Variants in TRIML2 observed in about 807,000 individuals in gnomAD.
TRIML2 encodes probable E3 ubiquitin-protein ligase TRIML2.
In TRIML2, 28 loss-of-function variants were observed where a neutral mutation model predicts 31.2. The observed-to-expected ratio is 0.90, with a 90% CI of 0.66 to 1.23. The LOEUF is 1.23. Among genes scored for constraint, TRIML2 ranks in the 50% most tolerant of loss-of-function variants. The pLI is 0.00. For missense variants in TRIML2, 536 were observed against 528.3 expected (o/e 1.01, Z -0.14); for synonymous variants, 187 against 197.5 (o/e 0.95, Z 0.45).
intron 1 of TRIML2, 175 bp from the exon 2 acceptor site, chr4:188,105,765 C>T (rs945254816): frequency 8.4e-5 from 14 of 166,854 alleles, no homozygotes; most frequent in South Asian, 1.9e-4. Context: ...GAAGGAACTT[C>T]AGGACTAGAG....
rs1308872356 is a variant in TRIML2 at position 188,091,353 on chromosome 4, T to C, written c.*20A>G. ...CCAACTTTCTGGTGTCTCGTGGTCT[T>C]GGATTTTACACACAGAAGATTAAGG... On this transcript the variant is annotated 3_prime_UTR_variant, in exon 8 of 8. Transcript: ENST00000682553. 3.8e-6 allele frequency: 6 copies of C among 1,596,130 alleles called. No homozygotes were observed. Among genetic ancestry groups the C allele is most frequent in the Non-Finnish European group, 5.1e-6 (6 of 1,168,476 alleles).
chr4:188,108,762 A>G (rs1734136335), intron 1 of TRIML2, among the ~76,000 whole-genome samples: 1 of 152,168 alleles, frequency 6.6e-6, no homozygotes, highest in East Asian at 1.9e-4. Context: ...TTCTCAGCTC[A>G]AATGTCTTCC....
chr4:188,095,063 C>T (rs1733443665), intron 7 of TRIML2, among the ~76,000 whole-genome samples: 1 of 152,020 alleles, frequency 6.6e-6, no homozygotes, highest in South Asian at 2.1e-4. Flanking sequence ...CAAATGGATA[C>T]ATGTGAGTCA....
At chr4:188,092,593 A>C (rs761204403) in intron 7 of TRIML2, among the ~76,000 whole-genome samples, 1 of 152,152 alleles carries the variant, frequency 6.6e-6, no homozygotes, top group Non-Finnish European at 1.5e-5. Context: ...CCAAGCCTGG[A>C]GCGGCCACAG....
At chr4:188,094,565 G>C (rs1483198355) in intron 7 of TRIML2, among the ~76,000 whole-genome samples, 3 of 152,110 alleles carry the variant, frequency 2.0e-5, no homozygotes, top group Admixed American at 1.3e-4. Flanking sequence ...AAAATACTTA[G>C]GGATACATCT....
chr4:188,096,939 G>T, intron 7 of TRIML2, 122 bp downstream of exon 7: 1 of 751,872 alleles, frequency 1.3e-6, no homozygotes, highest in Non-Finnish European at 2.3e-6. Flanking sequence ...TTACAGGAGT[G>T]ACCCACTGTG....
intron 1 of TRIML2, among the ~76,000 whole-genome samples, chr4:188,106,342 C>T (rs11728543): frequency 6.6e-6 from 1 of 152,224 alleles, no homozygotes; most frequent in Non-Finnish European, 1.5e-5. Flanking sequence ...TGAGCCACCG[C>T]GCCCGGCCGA....
At chr4:188,094,767 A>G (rs1447547258) in intron 7 of TRIML2, among the ~76,000 whole-genome samples, 1 of 152,310 alleles carries the variant, frequency 6.6e-6, no homozygotes, top group Non-Finnish European at 1.5e-5. Context: ...ATTTTGAAGA[A>G]GCCAACAAGC....
Position 188,099,079 on chromosome 4 carries a change from C to G in TRIML2, c.577G>C (p.Glu193Gln). 1.2e-6 allele frequency: 2 copies of G among 1,614,114 alleles called. No individual in the cohort carries two copies. The highest frequency in any genetic ancestry group is 1.7e-6 in the Non-Finnish European group (2 of 1,180,022). ...CCTTCCCCACACTTTTTCTCAAGCT[C>G]CACGATGAGCTTTAGGAGGCTGCGG... ...QVRSLLKLIV[E>Q]LEKKCGEGTL... The change falls in exon 5 of 8, where the codon GAG becomes CAG. Residue 193 changes from glutamate (E) to glutamine (Q), a missense_variant. Glu to Gln is a conservative substitution (Grantham distance 29). Coordinates refer to ENST00000682553, the MANE Select transcript of TRIML2 (RefSeq NM_173553.4).
Position 188,105,548 on chromosome 4 carries a change from G to C in TRIML2, c.-180C>G. On this transcript the variant is annotated 5_prime_UTR_variant, in exon 2 of 8. Transcript: ENST00000682553. ...GTCCACGCAGACAGAGCGGGTCGGC[G>C]CTCTGGACTCCTCAAATCCAACAAA... is the stretch of plus-strand genomic sequence containing the variant. 1 of 455,132 alleles carries C rather than the reference G, an allele frequency of 2.2e-6. No homozygotes were observed. The highest frequency in any genetic ancestry group is 3.9e-6 in the Non-Finnish European group (1 of 256,910). 28.2% of individuals were successfully genotyped at this position (455,132 alleles called of 1,614,324 possible). A position where few individuals can be genotyped will look rare whatever the true frequency, so the allele number is the denominator to read the frequency against.
rs138651647 is a variant in TRIML2, at chr4:188,092,461, A to AAAACAAACAAAC, written c.746-532_746-521dup. On this transcript the variant is annotated intron_variant, in intron 7 of 7. Coordinates refer to ENST00000682553, the MANE Select transcript of TRIML2 (RefSeq NM_173553.4). ...GGGCGACAGAGCAAGACTCCATCTC[A>AAAACAAACAAAC]AAACAAACAAACAAACAAACAAACA... is the stretch of plus-strand genomic sequence containing the variant. Among the ~76,000 whole-genome samples, 649 of 149,904 alleles carry AAAACAAACAAAC rather than the reference A, an allele frequency of 4.3e-3. 9 individuals carry two copies. Among genetic ancestry groups the AAAACAAACAAAC allele is most frequent in the African/African-American group, 0.015 (605 of 40,460 alleles).
In TRIML2 at chr4:188,105,255, G is replaced by A; in HGVS notation, c.114C>T (p.Cys38=). The change falls in exon 2 of 8, where the codon TGC becomes TGT. Residue 38 remains cysteine (C), a synonymous_variant. Coordinates refer to ENST00000682553, the MANE Select transcript of TRIML2 (RefSeq NM_173553.4). ...LFCDVDQITL[C]SKCFQSQEHK... ...GCTCCTGGGACTGGAAGCATTTGCT[G>A]CAGAGTGTGATTTGGTCAACATCAC... 2 of 1,612,598 alleles carry A rather than the reference G, an allele frequency of 1.2e-6. No individual in the cohort carries two copies. Among genetic ancestry groups the A allele is most frequent in the African/African-American group, 1.3e-5 (1 of 75,026 alleles).
intron 3 of TRIML2, among the ~76,000 whole-genome samples, chr4:188,102,189 C>A (rs1308898027): frequency 6.6e-6 from 1 of 151,134 alleles, no homozygotes; most frequent in Admixed American, 6.6e-5. Context: ...GAAGCTATAG[C>A]CTCTGTCAAA....
intron 4 of TRIML2, among the ~76,000 whole-genome samples, chr4:188,099,727 C>G (rs1344055958): frequency 6.6e-6 from 1 of 152,120 alleles, no homozygotes; most frequent in Admixed American, 6.6e-5. Flanking sequence ...TATGTTTAAG[C>G]CAATACAGAT....
At chr4:188,102,453 A>G (rs886528092) in intron 3 of TRIML2, among the ~76,000 whole-genome samples, 6 of 152,168 alleles carry the variant, frequency 3.9e-5, no homozygotes, top group Admixed American at 3.9e-4. Context: ...GATAGTAAGT[A>G]GGAAATTGGA....
intron 5 of TRIML2, 146 bp downstream of exon 5, chr4:188,098,889 G>A (rs1733644880): frequency 1.1e-6 from 1 of 887,698 alleles, no homozygotes; most frequent in Non-Finnish European, 1.7e-6. Flanking sequence ...AAAGCTTTTG[G>A]CAGCTGAAAG....
At chr4:188,092,632 C>T (rs1315423971) in intron 7 of TRIML2, among the ~76,000 whole-genome samples, 1 of 152,120 alleles carries the variant, frequency 6.6e-6, no homozygotes, top group Non-Finnish European at 1.5e-5. Context: ...TCATTCGTGG[C>T]CCTCCCGATG....
intron 1 of TRIML2, among the ~76,000 whole-genome samples, chr4:188,107,564 TTTGCAC>T (rs1236068895): frequency 2.6e-5 from 4 of 152,282 alleles, no homozygotes; most frequent in African/African-American, 9.6e-5. Flanking sequence ...GTTGTACAAT[TTTGCAC>T]TCCAAGCAAC....
Position 188,091,721 on chromosome 4 carries a change from G to A in TRIML2, c.966C>T (p.His322=), listed in dbSNP as rs559876121. ...KATRWQVGIY[H]GSADAKGSTA... is the part of the protein sequence containing the mutation. ...TGCTGCCCTTCGCGTCTGCAGAGCC[G>A]TGGTATATGCCCACTTGCCACCTGG... The change falls in exon 8 of 8, where the codon CAC becomes CAT. Residue 322 remains histidine (H), a synonymous_variant. Coordinates refer to ENST00000682553, the MANE Select transcript of TRIML2 (RefSeq NM_173553.4). 1.5e-5 allele frequency: 25 copies of A among 1,614,024 alleles called. No homozygotes were observed. In the East Asian group the frequency reaches 4.5e-4, roughly 29 times the overall value.
Sources: gnomAD v4.1 joint callset for allele counts (sites outside exome capture counted in the v4.1 genomes callset) on GRCh38, gnomAD v4.1.1 for gene constraint, MANE v1.5 for transcripts, NCBI Gene and HGNC (gene_info 2026-07-23, HGNC 2026-07-21) for gene names.